Variants in EDIL3 observed in about 807,000 individuals in gnomAD.
EDIL3 encodes EGF like and discoidin domains 3.
In EDIL3, 37 loss-of-function variants were observed where a neutral mutation model predicts 67.4. The observed-to-expected ratio is 0.55, with a 90% confidence interval of 0.42 to 0.72. EDIL3 has a LOEUF of 0.72. EDIL3 is among the 30% of genes least tolerant of loss of function. The pLI, the probability that EDIL3 is intolerant of heterozygous loss-of-function variation, is 0.00. For missense variants in EDIL3, 527 were observed against 586.3 expected, an observed-to-expected ratio of 0.90 and a Z score of 1.04; for synonymous variants, 195 against 196.3, an observed-to-expected ratio of 0.99 and a Z score of 0.05.
chr5:83,980,581 G>A (rs983911287), intron 9 of EDIL3, among the ~76,000 whole-genome samples: 2 of 151,072 alleles, frequency 1.3e-5, no homozygotes, highest in East Asian at 3.9e-4. Context: ...CCAGCTACTC[G>A]GGAGTCTGAG....
In EDIL3 at chr5:84,064,815, A is replaced by G. The variant is rs749580270; in HGVS notation, c.837T>C (p.Thr279=). 1.7e-5 allele frequency: 27 copies of G among 1,612,778 alleles called. No homozygotes were observed. In the South Asian group the frequency reaches 2.2e-4, roughly 13 times the overall value. Residue 279 remains threonine, a synonymous_variant, in exon 8 of 11, where the codon ACT becomes ACC. Coordinates refer to ENST00000296591, the MANE Select transcript of EDIL3 (RefSeq NM_005711.5). ...GGGGTGTGAAAGAGTTAGCATATGG[A>G]GTGTTGTTATCAATGTTTCCACGAA... ...MVFRGNIDNN[T]PYANSFTPPI... is the part of the protein sequence containing the mutation.
At chr5:84,378,203 G>A (rs1039493850) in intron 1 of EDIL3, among the ~76,000 whole-genome samples, 2 of 152,090 alleles carry the variant, frequency 1.3e-5, no homozygotes, top group Non-Finnish European at 2.9e-5. Flanking sequence ...CATTAAGCAG[G>A]TTTTCAAGCT....
At chr5:84,009,207 T>C (rs1580277260) in intron 9 of EDIL3, among the ~76,000 whole-genome samples, 1 of 151,942 alleles carries the variant, frequency 6.6e-6, no homozygotes, top group Non-Finnish European at 1.5e-5. Context: ...TAAAAAAAAA[T>C]AAAAACAGCC....
At chr5:84,354,644 G>A (rs1409630057) in intron 1 of EDIL3, among the ~76,000 whole-genome samples, 14 of 123,284 alleles carry the variant, frequency 1.1e-4, no homozygotes, top group Admixed American at 8.8e-5. Flanking sequence ...GCAACAGAGT[G>A]AGACTCCATC....
In EDIL3 at chr5:84,376,777, G is replaced by A. The variant is rs534167256; in HGVS notation, c.67+7531C>T. ...TCAGTATATATTAAGTGTCTGTTTG[G>A]GTCTTCTTGTTTGTTTTGCCTGGTA... On this transcript the variant is annotated intron_variant, in intron 1 of 10. Transcript: ENST00000296591. 2.0e-5 allele frequency among the ~76,000 whole-genome samples: 3 copies of A among 152,194 alleles called. No individual in the cohort carries two copies. In the South Asian group the frequency reaches 6.2e-4, roughly 32 times the overall value.
intron 6 of EDIL3, among the ~76,000 whole-genome samples, chr5:84,076,241 A>G (rs898459805): frequency 7.2e-5 from 11 of 152,246 alleles, no homozygotes; most frequent in Admixed American, 6.5e-4. Context: ...CAATATAGGA[A>G]GAAAATGTAG....
intron 5 of EDIL3, among the ~76,000 whole-genome samples, chr5:84,109,840 G>A (rs1422300410): frequency 6.6e-6 from 1 of 152,136 alleles, no homozygotes; most frequent in African/African-American, 2.4e-5. Context: ...AGTTGTCAAG[G>A]TACTGCCTTG....
At chr5:84,280,446 T>C (rs773601057) in intron 1 of EDIL3, among the ~76,000 whole-genome samples, 1 of 152,206 alleles carries the variant, frequency 6.6e-6, no homozygotes, top group African/African-American at 2.4e-5. Flanking sequence ...GACAGTATTC[T>C]TATGGCTATT....
chr5:83,985,991 T>C (rs1468206058), intron 9 of EDIL3, among the ~76,000 whole-genome samples: 1 of 152,050 alleles, frequency 6.6e-6, no homozygotes, highest in Non-Finnish European at 1.5e-5. Context: ...TATTACGAAG[T>C]ACAGGGCTGC....
chr5:84,330,107 C>T (rs935106024), intron 1 of EDIL3, among the ~76,000 whole-genome samples: 5 of 151,912 alleles, frequency 3.3e-5, no homozygotes, highest in Admixed American at 6.6e-5. Context: ...TTATTAAGTT[C>T]GAATATAACC....
intron 1 of EDIL3, among the ~76,000 whole-genome samples, chr5:84,371,377 G>A (rs955238130): frequency 6.2e-5 from 9 of 144,268 alleles, no homozygotes; most frequent in South Asian, 4.3e-4. Context: ...ATATATGTAT[G>A]TGTGTATATA....
chr5:84,030,929 T>A (rs914817095), intron 9 of EDIL3, among the ~76,000 whole-genome samples: 14 of 100,354 alleles, frequency 1.4e-4, no homozygotes. Flanking sequence ...AAAAACAACA[T>A]TTTTTTTTCT....
rs184893395 is a variant in EDIL3, at chr5:84,065,979, G to A, written c.807+472C>T. Among the ~76,000 whole-genome samples the A allele has an allele frequency of 5.8e-3, 877 of 151,996 alleles. 12 individuals carry two copies. Among genetic ancestry groups the A allele is most frequent in the African/African-American group, 0.02 (843 of 41,436 alleles). ...AAATACAAAAAATTAGCCGGGCGTG[G>A]TGGTGGGCACCTGTAGTCCCAGCTA... is the stretch of plus-strand genomic sequence containing the variant. On this transcript the variant is annotated intron_variant, in intron 7 of 10. Coordinates refer to ENST00000296591, the MANE Select transcript of EDIL3 (RefSeq NM_005711.5).
chr5:84,160,744 T>TTCCTTTCCTTTC (rs140316379), intron 4 of EDIL3, among the ~76,000 whole-genome samples: 19 of 100,092 alleles, frequency 1.9e-4, no homozygotes, highest in Non-Finnish European at 3.3e-4. Flanking sequence ...TCTTTTCTTT[T>TTCCTTTCCTTTC]CTTTCCTTTC....
chr5:84,243,970 T>C (rs865945202), intron 2 of EDIL3, among the ~76,000 whole-genome samples: 1 of 152,356 alleles, frequency 6.6e-6, no homozygotes, highest in African/African-American at 2.4e-5. Flanking sequence ...AATACTTTGA[T>C]ATATGTTAAA....
intron 3 of EDIL3, among the ~76,000 whole-genome samples, chr5:84,202,581 G>C (rs929259619): frequency 6.6e-6 from 1 of 152,106 alleles, no homozygotes; most frequent in African/African-American, 2.4e-5. Context: ...GAAAAGAGTG[G>C]AAATAAAGGT....
At position 84,106,703 on chromosome 5, in the gene EDIL3, C is replaced by T. The variant is rs935324113; in HGVS notation, c.597G>A (p.Lys199=). Residue 199 remains lysine (K), a synonymous_variant, in exon 6 of 11, where the codon AAG becomes AAA. Coordinates refer to ENST00000296591, the MANE Select transcript of EDIL3 (RefSeq NM_005711.5). The stretch of plus-strand genomic sequence containing the variant: ...CAGCTGTCCACGCATTTATAAGCCC[C>T]TTCTTATTAAGACGTGCATAGTAGG... ...WYPYYARLNK[K]GLINAWTAAE... 5 of 1,612,556 alleles carry T rather than the reference C, an allele frequency of 3.1e-6. No individual in the cohort carries two copies. The highest frequency in any genetic ancestry group is 4.2e-6 in the Non-Finnish European group (5 of 1,179,266).
At chr5:84,195,643 G>A (rs1488158490) in intron 3 of EDIL3, among the ~76,000 whole-genome samples, 2 of 151,984 alleles carry the variant, frequency 1.3e-5, no homozygotes, top group African/African-American at 4.8e-5. Context: ...TTCTACAGAT[G>A]TGCTGAATTC....
chr5:84,072,860 GGA>G lies in EDIL3; in HGVS notation c.652-6256_652-6255del, dbSNP rs200654271. ...AGAAAAGAATGGAGGGATGGTGGAG[GGA>G]GAGAGAGAGATCTTAGCATAATGCT... is the stretch of plus-strand genomic sequence containing the variant. On this transcript the variant is annotated intron_variant, in intron 6 of 10. Coordinates refer to ENST00000296591, the MANE Select transcript of EDIL3 (RefSeq NM_005711.5). Among the ~76,000 whole-genome samples, 128 of 152,062 alleles carry G rather than the reference GGA, an allele frequency of 8.4e-4. 2 individuals carry two copies. The East Asian group carries it at 0.02, about 23-fold the overall frequency.
Sources: allele counts gnomAD v4.1 joint callset (sites outside exome capture counted in the v4.1 genomes callset), GRCh38; gene constraint gnomAD v4.1.1; transcripts MANE v1.5; gene names NCBI Gene and HGNC (gene_info 2026-07-23, HGNC 2026-07-21).